Variants in RNLS observed in about 807,000 individuals in gnomAD.
RNLS encodes the protein renalase.
Under a neutral mutation model 39.8 loss-of-function variants are expected in RNLS, and 39 were observed. The observed-to-expected ratio is 0.98, with a 90% CI of 0.76 to 1.28. The LOEUF is 1.28. RNLS is among the 50% of genes most tolerant of loss of function. The probability of loss-of-function intolerance (pLI) is 0.00; values close to 1 mark genes in which losing one functional copy is unlikely to be tolerated. For synonymous variants in RNLS, 147 were observed against 150.7 expected (o/e 0.98, Z 0.18); for missense variants, 410 against 413.3 (o/e 0.99, Z 0.07).
chr10:88,303,723 A>C (rs1453578407), intron 6 of RNLS, among the ~76,000 whole-genome samples: 1 of 152,012 alleles, frequency 6.6e-6, no homozygotes, highest in Admixed American at 6.6e-5. Flanking sequence ...CCTTACCTCC[A>C]TCAGTGCCCC....
the RNLS span, among the ~76,000 whole-genome samples, chr10:88,235,056 T>C: frequency 6.6e-6 from 1 of 151,780 alleles, no homozygotes; most frequent in African/African-American, 2.4e-5. Context: ...GGTCAGGAGA[T>C]CGAGACCATC....
chr10:88,481,000 G>C (rs1844133011), intron 4 of RNLS, among the ~76,000 whole-genome samples: 1 of 151,844 alleles, frequency 6.6e-6, no homozygotes, highest in South Asian at 2.1e-4. Context: ...GTATTTTGGG[G>C]CTCTATTGCC....
intron 4 of RNLS, among the ~76,000 whole-genome samples, chr10:88,421,063 A>C (rs1854376067): frequency 6.6e-6 from 1 of 152,226 alleles, no homozygotes; most frequent in Admixed American, 6.5e-5. Context: ...GGATAAGAAA[A>C]GTATCAGTTC....
At chr10:88,275,000 C>T (rs748732978) in exon 7 of RNLS, 9 of 1,613,310 alleles carry the variant, frequency 5.6e-6, no homozygotes, top group South Asian at 4.4e-5. Context: ...AGGGGCTCTT[C>T]GCACATCCTA....
intron 4 of RNLS, among the ~76,000 whole-genome samples, chr10:88,491,173 T>C (rs2134064965): frequency 6.6e-6 from 1 of 152,232 alleles, no homozygotes; most frequent in South Asian, 2.1e-4. Context: ...GTGCTAGTGG[T>C]TCATATTTAG....
At chr10:88,332,964 C>G (rs2133173038) in intron 5 of RNLS, among the ~76,000 whole-genome samples, 1 of 152,282 alleles carries the variant, frequency 6.6e-6, no homozygotes, top group East Asian at 1.9e-4. Context: ...CTTTCTCCAT[C>G]CTGATTGTAC....
At chr10:88,362,337 T>A (rs898352536) in intron 5 of RNLS, among the ~76,000 whole-genome samples, 1 of 152,302 alleles carries the variant, frequency 6.6e-6, no homozygotes, top group Non-Finnish European at 1.5e-5. Flanking sequence ...ATGAACTCAG[T>A]AATATAAACC....
intron 4 of RNLS, among the ~76,000 whole-genome samples, chr10:88,487,446 G>C (rs1268148731): frequency 1.3e-5 from 2 of 151,924 alleles, no homozygotes; most frequent in Non-Finnish European, 2.9e-5. Context: ...TACTGAAGAA[G>C]ACATATAGAT....
At chr10:88,558,569 G>T (rs910661068) in intron 4 of RNLS, among the ~76,000 whole-genome samples, 3 of 152,064 alleles carry the variant, frequency 2.0e-5, no homozygotes, top group Admixed American at 2.0e-4. Flanking sequence ...TAACAGAAGT[G>T]CCAGATCACC....
intron 4 of RNLS, among the ~76,000 whole-genome samples, chr10:88,572,462 T>G (rs1304323654): frequency 6.6e-6 from 1 of 152,194 alleles, no homozygotes; most frequent in Non-Finnish European, 1.5e-5. Flanking sequence ...TCCCTTGTCA[T>G]GCCTCTCGTT....
At chr10:88,554,081 C>T (rs899935125) in intron 4 of RNLS, among the ~76,000 whole-genome samples, 7 of 151,662 alleles carry the variant, frequency 4.6e-5, no homozygotes, top group African/African-American at 1.7e-4. Context: ...GTCAGTTTTA[C>T]ATACTTCGCC....
At chr10:88,300,760 C>T (rs1220137313) in intron 6 of RNLS, among the ~76,000 whole-genome samples, 1 of 152,138 alleles carries the variant, frequency 6.6e-6, no homozygotes, top group Non-Finnish European at 1.5e-5. Context: ...GGAAGCTCAA[C>T]AAATATGTGT....
At chr10:88,487,535 C>T (rs1844605429) in intron 4 of RNLS, among the ~76,000 whole-genome samples, 1 of 152,114 alleles carries the variant, frequency 6.6e-6, no homozygotes, top group East Asian at 1.9e-4. Flanking sequence ...TGAGATACCA[C>T]TACACACTCG....
chr10:88,263,429 C>T, the RNLS span, among the ~76,000 whole-genome samples: 1 of 152,260 alleles, frequency 6.6e-6, no homozygotes, highest in East Asian at 1.9e-4. Context: ...TTGTCAATAA[C>T]AGCACCATCA....
At chr10:88,397,973 TC>T (rs1209903095) in intron 4 of RNLS, among the ~76,000 whole-genome samples, 3 of 151,940 alleles carry the variant, frequency 2.0e-5, no homozygotes, top group Non-Finnish European at 2.9e-5. Flanking sequence ...CCAAGACCAC[TC>T]AGTGGGGGAA....
intron 4 of RNLS, among the ~76,000 whole-genome samples, chr10:88,463,661 T>C (rs1843052202): frequency 1.3e-5 from 2 of 152,026 alleles, no homozygotes; most frequent in South Asian, 2.1e-4. Context: ...AATTGAGAGA[T>C]TGCTACTCAT....
chr10:88,469,929 A>C (rs1843425313), intron 4 of RNLS, among the ~76,000 whole-genome samples: 1 of 151,016 alleles, frequency 6.6e-6, no homozygotes, highest in South Asian at 2.1e-4. Flanking sequence ...TATATATACA[A>C]AGTATATGTA....
chr10:88,465,007 C>A (rs1022953550), intron 4 of RNLS, among the ~76,000 whole-genome samples: 8 of 152,076 alleles, frequency 5.3e-5, no homozygotes, highest in African/African-American at 1.9e-4. Context: ...GGGCAAGTAG[C>A]TAGTTTCTTT....
At chr10:88,287,649 A>T (rs752143802) in intron 6 of RNLS, among the ~76,000 whole-genome samples, 5 of 152,118 alleles carry the variant, frequency 3.3e-5, no homozygotes, top group African/African-American at 4.8e-5. Context: ...CACAGTTCCA[A>T]ATGGCTGAGG....
Sources: gnomAD v4.1 joint callset for allele counts (sites outside exome capture counted in the v4.1 genomes callset) on GRCh38, gnomAD v4.1.1 for gene constraint, MANE v1.5 for transcripts, NCBI Gene and HGNC (gene_info 2026-07-23, HGNC 2026-07-21) for gene names.